Variants in CCPG1 observed in about 807,000 individuals in gnomAD.
The protein encoded by CCPG1 is cell cycle progression 1.
CCPG1 carries 46 observed loss-of-function variants against 81.3 expected under a neutral mutation model. The observed-to-expected ratio is 0.57, with a 90% CI of 0.45 to 0.72. The LOEUF (loss-of-function observed/expected upper bound fraction) is 0.72, where lower values mean the gene tolerates loss of function less well. Ranked by LOEUF, CCPG1 falls within the 30% of genes least tolerant of loss-of-function variation. The pLI, the probability that CCPG1 is intolerant of heterozygous loss-of-function variation, is 0.00. For synonymous variants in CCPG1, 330 were observed against 305.2 expected, an observed-to-expected ratio of 1.08 and a Z score of -0.85; for missense variants, 902 against 937.6, an observed-to-expected ratio of 0.96 and a Z score of 0.50.
intron 8 of CCPG1, chr15:55,357,088 T>C: frequency 8.1e-6 from 8 of 985,404 alleles, no homozygotes; most frequent in African/African-American, 3.5e-5. Flanking sequence ...CTGATAAATA[T>C]ACAGTCTCGG....
intron 3 of CCPG1, among the ~76,000 whole-genome samples, chr15:55,380,342 C>A (rs28386185): frequency 6.6e-6 from 1 of 151,000 alleles, no homozygotes; most frequent in Non-Finnish European, 1.5e-5. Flanking sequence ...GTCGCCCAGG[C>A]TGGAGTGCAG....
Position 55,356,148 on chromosome 15 carries a change from A to T in CCPG1, c.*72T>A. 1 of 1,063,602 alleles carries T rather than the reference A, an allele frequency of 9.4e-7. No individual in the cohort carries two copies. The highest frequency in any genetic ancestry group is 1.3e-6 in the Non-Finnish European group (1 of 751,872). The allele number at this position is 1,063,602 out of a possible 1,614,324, so 65.9% of individuals were successfully genotyped here. On this transcript the variant is annotated 3_prime_UTR_variant, in exon 9 of 9. Transcript: ENST00000442196. ...ACATTGTCATCTTGGTAATTTCATT[A>T]GTTTCAATACCAAACATTATACAAA...
chr15:55,376,938 T>G lies in CCPG1; in HGVS notation c.454+11A>C, dbSNP rs2289324. On this transcript the variant is annotated intron_variant, in intron 5 of 8. Coordinates refer to ENST00000442196, the MANE Select transcript of CCPG1 (RefSeq NM_001204450.2). ...TACATGTCTTTAAGTCTCTTATCAGTGTATTCTTACCAGTTTCTGGCTGAC... is the reference window on the plus strand; with the variant it reads ...TACATGTCTTTAAGTCTCTTATCAGGGTATTCTTACCAGTTTCTGGCTGAC... The G allele has an allele frequency of 0.063, 101,061 of 1,596,712 alleles. 3,872 individuals are homozygous for G. The highest frequency in any genetic ancestry group is 0.17 in the East Asian group (7,697 of 44,754).
At chr15:55,397,255 CAG>C (rs879501560) in intron 1 of CCPG1, among the ~76,000 whole-genome samples, 2 of 150,782 alleles carry the variant, frequency 1.3e-5, no homozygotes, top group Admixed American at 1.3e-4. Context: ...AGATAATAAA[CAG>C]AGTGGTGGCA....
Position 55,360,260 on chromosome 15 carries a change from T to G in CCPG1, c.1513A>C (p.Arg505=). ...TGCTTAATTTTCTCTTTATGATGCC[T>G]TACAAACTCCTTGGTAGAATTCTTC... ...AMKNSTKEFV[R]HHKEKIKQAK... Residue 505 remains arginine (R), a synonymous_variant, in exon 8 of 9, where the codon AGG becomes CGG. Coordinates refer to ENST00000442196, the MANE Select transcript of CCPG1 (RefSeq NM_001204450.2). The G allele has an allele frequency of 6.2e-7, 1 of 1,614,072 alleles. No individual in the cohort carries two copies. Among genetic ancestry groups the G allele is most frequent in the Non-Finnish European group, 8.5e-7 (1 of 1,180,022 alleles).
chr15:55,394,810 C>T (rs1003757165), intron 1 of CCPG1, among the ~76,000 whole-genome samples: 2 of 151,534 alleles, frequency 1.3e-5, no homozygotes, highest in African/African-American at 4.9e-5. Context: ...TATTAAGAAG[C>T]TGAAACTTAC....
intron 8 of CCPG1, chr15:55,359,052 G>A: frequency 2.0e-6 from 2 of 984,344 alleles, no homozygotes; most frequent in South Asian, 9.4e-5. Context: ...ATGTGACTAA[G>A]TATCATAACT....
rs1227961707 is a variant in CCPG1, at chr15:55,371,949, T to A, written c.550A>T (p.Thr184Ser). The A allele has an allele frequency of 6.2e-7, 1 of 1,614,164 alleles. No individual in the cohort carries two copies. Among genetic ancestry groups the A allele is most frequent in the Admixed American group, 1.7e-5 (1 of 60,028 alleles). ...TCTTCAGATTCTGAAGCAGAAACGG[T>A]CTTCTTCCTAGCACGGCGTCGTCTA... ...AFRRRRARKK[T>S]VSASESEDRL... Residue 184 changes from threonine to serine, a missense_variant, in exon 6 of 9, where the codon ACC becomes TCC. Thr to Ser is a moderately conservative substitution (Grantham distance 58). Transcript: ENST00000442196.
chr15:55,393,326 G>C (rs759097949), intron 1 of CCPG1, among the ~76,000 whole-genome samples: 17 of 152,048 alleles, frequency 1.1e-4, no homozygotes, highest in Non-Finnish European at 2.1e-4. Flanking sequence ...TGTTGTCCTA[G>C]CTACTTGGGA....
At chr15:55,376,275 G>T (rs1231153703) in intron 5 of CCPG1, among the ~76,000 whole-genome samples, 2 of 152,164 alleles carry the variant, frequency 1.3e-5, no homozygotes, top group African/African-American at 2.4e-5. Context: ...ATTAAAAGAT[G>T]TTATACATAC....
At chr15:55,367,826 G>A (rs1214384195) in intron 6 of CCPG1, among the ~76,000 whole-genome samples, 1 of 152,034 alleles carries the variant, frequency 6.6e-6, no homozygotes, top group East Asian at 1.9e-4. Flanking sequence ...TTCCTTCAAT[G>A]TCCCTTATTC....
chr15:55,400,203 CA>C (rs61331208), intron 1 of CCPG1, among the ~76,000 whole-genome samples: 421 of 32,952 alleles, frequency 0.013, no homozygotes, highest in Non-Finnish European at 0.017. Context: ...TACTCTACCT[CA>C]AAAAAAAAAA....
chr15:55,356,909 C>T (rs1338920596), intron 8 of CCPG1: 15 of 985,608 alleles, frequency 1.5e-5, no homozygotes, highest in South Asian at 9.4e-5. Context: ...ATCCCCTGGC[C>T]GCCCAGTTTC....
At chr15:55,386,171 C>CA (rs1431290192) in intron 2 of CCPG1, among the ~76,000 whole-genome samples, 2 of 52,222 alleles carry the variant, frequency 3.8e-5, no homozygotes, top group Non-Finnish European at 7.5e-5. Flanking sequence ...CGGTGGATCA[C>CA]AAAAAAAGCA....
chr15:55,386,438 A>G (rs1481775017), intron 2 of CCPG1, among the ~76,000 whole-genome samples: 1 of 152,136 alleles, frequency 6.6e-6, no homozygotes, highest in Non-Finnish European at 1.5e-5. Context: ...ATAATAGCGG[A>G]TCATACAATT....
At position 55,361,744 on chromosome 15, in the gene CCPG1, G is replaced by A. The variant is rs763295951; in HGVS notation, c.829-800C>T. Among the ~76,000 whole-genome samples, 58 of 151,802 alleles carry A rather than the reference G, an allele frequency of 3.8e-4. 1 individual carries two copies. The highest frequency in any genetic ancestry group is 5.0e-4 in the Non-Finnish European group (34 of 67,922). On this transcript the variant is annotated intron_variant, in intron 7 of 8. Coordinates refer to ENST00000442196, the MANE Select transcript of CCPG1 (RefSeq NM_001204450.2). ...TAAAAAATAAAAGTAAAATTACATC[G>A]AGAGCTGACTTACGGCTTCAAAAAT...
chr15:55,355,243 C>CA lies in CCPG1; in HGVS notation c.*976dup. ...TAAAATTGACTGAAACAGTACTCAG[C>CA]AAAATGTAGCCTTTATTTACTTAAA... On this transcript the variant is annotated 3_prime_UTR_variant, in exon 9 of 9. Coordinates refer to ENST00000442196, the MANE Select transcript of CCPG1 (RefSeq NM_001204450.2). 6.6e-7 allele frequency: 1 copy of CA among 1,513,744 alleles called. No individual in the cohort carries two copies. The highest frequency in any genetic ancestry group is 1.9e-5 in the Admixed American group (1 of 53,166). The allele number at this position is 1,513,744 out of a possible 1,614,324, so 93.8% of individuals were successfully genotyped here.
chr15:55,395,576 A>G (rs7169179), intron 1 of CCPG1, among the ~76,000 whole-genome samples: 48,837 of 151,872 alleles, frequency 0.32, 9,032 homozygotes, highest in Non-Finnish European at 0.43. Context: ...AGGGCTTTAC[A>G]TATTCTGATC....
intron 2 of CCPG1, among the ~76,000 whole-genome samples, chr15:55,387,452 T>C (rs112835015): frequency 1.3e-5 from 2 of 152,330 alleles, no homozygotes; most frequent in African/African-American, 4.8e-5. Context: ...GAAATTTTAA[T>C]GCAGAAAAGG....
Sources: gnomAD v4.1 joint callset for allele counts (sites outside exome capture counted in the v4.1 genomes callset) on GRCh38, gnomAD v4.1.1 for gene constraint, MANE v1.5 for transcripts, NCBI Gene and HGNC (gene_info 2026-07-23, HGNC 2026-07-21) for gene names.